Variants in AIM2 observed in about 807,000 individuals in gnomAD.
AIM2 encodes interferon-inducible protein AIM2.
In AIM2, 30 loss-of-function variants were observed where a neutral mutation model predicts 27.7. The observed-to-expected ratio is 1.08, with a 90% CI of 0.81 to 1.47. AIM2 has a LOEUF of 1.47. AIM2 is among the 40% of genes most tolerant of loss of function. The pLI is 0.00. For synonymous variants in AIM2, 141 were observed against 145.3 expected, an observed-to-expected ratio of 0.97 and a Z score of 0.21; for missense variants, 358 against 411.3, an observed-to-expected ratio of 0.87 and a Z score of 1.12.
downstream of AIM2, among the ~76,000 whole-genome samples, chr1:159,061,102 T>C (rs1350265034): frequency 6.6e-6 from 1 of 152,226 alleles, no homozygotes; most frequent in Non-Finnish European, 1.5e-5. Flanking sequence ...TGCATAAAGG[T>C]TATACCATTT....
Position 159,063,597 on chromosome 1 carries a change from G to A in AIM2, c.894C>T (p.Asn298=), listed in dbSNP as rs151325808. The part of the protein sequence containing the change: ...TGKMEVLGVR[N]EDTMKCKEGD... ...CTTCCTTACATTTCATTGTGTCCTC[G>A]TTTCTAACCCCCAGTACTTCCATTT... is the stretch of plus-strand genomic sequence containing the variant. Residue 298 remains asparagine, a synonymous_variant, in exon 5 of 6, where the codon AAC becomes AAT. Coordinates refer to ENST00000368130, the MANE Select transcript of AIM2 (RefSeq NM_004833.3). 32 of 1,613,876 alleles carry A rather than the reference G, an allele frequency of 2.0e-5. No individual in the cohort carries two copies. The highest frequency in any genetic ancestry group is 1.6e-4 in the Middle Eastern group (1 of 6,082).
intron 1 of AIM2, among the ~76,000 whole-genome samples, chr1:159,075,871 T>G: frequency 6.6e-6 from 1 of 152,250 alleles, no homozygotes; most frequent in East Asian, 1.9e-4. Context: ...AATAACTGAT[T>G]GTGAATTTTA....
At chr1:159,134,351 T>G (rs1647974456) in intron 1 of AIM2, among the ~76,000 whole-genome samples, 1 of 152,232 alleles carries the variant, frequency 6.6e-6, no homozygotes, top group South Asian at 2.1e-4. Flanking sequence ...TGGAGTAATC[T>G]TTCCAAAATG....
At chr1:159,069,439 ATATATG>A (rs1034148996) in intron 2 of AIM2, among the ~76,000 whole-genome samples, 47 of 152,066 alleles carry the variant, frequency 3.1e-4, no homozygotes, top group African/African-American at 1.1e-3. Context: ...CTCTCTCTAT[ATATATG>A]TATATCAGTT....
intron 1 of AIM2, among the ~76,000 whole-genome samples, chr1:159,103,839 T>C (rs1343355005): frequency 1.3e-5 from 2 of 152,054 alleles, no homozygotes; most frequent in Non-Finnish European, 2.9e-5. Flanking sequence ...GACAAATCAC[T>C]TTTCTCTCCC....
intron 1 of AIM2, among the ~76,000 whole-genome samples, chr1:159,112,934 C>CATATATATATATATATATATATAT (rs71659252): frequency 2.0e-5 from 3 of 146,542 alleles, no homozygotes; most frequent in African/African-American, 7.7e-5. Flanking sequence ...TATATACATA[C>CATATATATATATATATATATATAT]ATATATATAT....
chr1:159,125,530 A>G, intron 1 of AIM2, among the ~76,000 whole-genome samples: 1 of 152,224 alleles, frequency 6.6e-6, no homozygotes, highest in East Asian at 1.9e-4. Context: ...AATACAAAGA[A>G]TTAGAGGGCC....
At chr1:159,090,405 A>T (rs947164087) in intron 1 of AIM2, among the ~76,000 whole-genome samples, 1 of 152,264 alleles carries the variant, frequency 6.6e-6, no homozygotes, top group Non-Finnish European at 1.5e-5. Flanking sequence ...GAATGTAAAA[A>T]TAATACATGA....
chr1:159,102,404 T>C (rs1657336060), intron 1 of AIM2, among the ~76,000 whole-genome samples: 1 of 152,156 alleles, frequency 6.6e-6, no homozygotes, highest in African/African-American at 2.4e-5. Context: ...AAATATGAGA[T>C]AGGAGCCCCC....
chr1:159,057,868 G>T (rs779424262), downstream of AIM2, among the ~76,000 whole-genome samples: 1 of 152,222 alleles, frequency 6.6e-6, no homozygotes, highest in Non-Finnish European at 1.5e-5. Context: ...TGCATAAAGT[G>T]CAAGAGGAAT....
chr1:159,079,722 A>AGT (rs2101997871), upstream of AIM2, among the ~76,000 whole-genome samples: 1 of 152,220 alleles, frequency 6.6e-6, no homozygotes, highest in Admixed American at 6.5e-5. Flanking sequence ...CAGAGTTGCC[A>AGT]CTAGGGTACA....
rs865906242 is a variant in AIM2, at chr1:159,146,608, A to T, written n.87+402T>A. ...TACTGTGTAATCTCTATAATGCCCA[A>T]TTTATTGGCCAAGTCATTATCTGTT... On this transcript the variant is annotated intron_variant and non_coding_transcript_variant, in intron 1 of 6. Coordinates refer to the AIM2 transcript ENST00000411768. 3.3e-5 allele frequency among the ~76,000 whole-genome samples: 5 copies of T among 152,124 alleles called. 1 individual carries two copies. Among genetic ancestry groups the T allele is most frequent in the Middle Eastern group, 6.8e-3 (2 of 294 alleles).
At chr1:159,097,032 G>A (rs76824366) in intron 1 of AIM2, among the ~76,000 whole-genome samples, 4 of 152,030 alleles carry the variant, frequency 2.6e-5, no homozygotes, top group East Asian at 1.9e-4. Context: ...AAATAAAGTC[G>A]GGAAGTAGGC....
chr1:159,076,090 C>A (rs1415071988), intron 1 of AIM2, among the ~76,000 whole-genome samples: 2 of 152,104 alleles, frequency 1.3e-5, no homozygotes, highest in African/African-American at 4.8e-5. Flanking sequence ...AATGATAAAG[C>A]CATCCAAATG....
intron 1 of AIM2, among the ~76,000 whole-genome samples, chr1:159,137,654 C>T (rs1050665496): frequency 2.6e-5 from 4 of 152,160 alleles, no homozygotes; most frequent in African/African-American, 9.7e-5. Context: ...GAGACTCCAT[C>T]TCAAACAAAC....
intron 1 of AIM2, among the ~76,000 whole-genome samples, chr1:159,096,921 A>G (rs149605845): frequency 9.5e-4 from 144 of 152,166 alleles, no homozygotes; most frequent in African/African-American, 3.3e-3. Context: ...TCATCCTTCG[A>G]TATTGTCACC....
intron 1 of AIM2, among the ~76,000 whole-genome samples, chr1:159,133,173 TTCTCTC>T (rs146143896): frequency 6.7e-5 from 10 of 149,590 alleles, no homozygotes; most frequent in African/African-American, 2.0e-4. Flanking sequence ...CTTGCTCTTG[TTCTCTC>T]TCTCTCTCTC....
chr1:159,084,566 G>T (rs1307251071), intron 1 of AIM2, among the ~76,000 whole-genome samples: 2 of 151,830 alleles, frequency 1.3e-5, no homozygotes, highest in African/African-American at 4.9e-5. Flanking sequence ...GAAGCCAGGA[G>T]TTCAAGTCCA....
intron 1 of AIM2, among the ~76,000 whole-genome samples, chr1:159,086,693 G>T (rs182371502): frequency 1.3e-5 from 2 of 152,340 alleles, no homozygotes; most frequent in East Asian, 3.9e-4. Context: ...ACAGGCTTGG[G>T]CACTACACCC....
Sources: allele counts gnomAD v4.1 joint callset (sites outside exome capture counted in the v4.1 genomes callset), GRCh38; gene constraint gnomAD v4.1.1; transcripts MANE v1.5; gene names NCBI Gene and HGNC (gene_info 2026-07-23, HGNC 2026-07-21).